NTRK1: variants seen among roughly 807,000 people sequenced by gnomAD.
NTRK1 encodes neurotrophic receptor tyrosine kinase 1.
NTRK1 carries 62 observed loss-of-function variants against 86.8 expected under a neutral mutation model. The observed-to-expected ratio is 0.71, with a 90% CI of 0.58 to 0.88. The LOEUF (loss-of-function observed/expected upper bound fraction) is 0.88. Ranked by LOEUF, NTRK1 falls within the 40% of genes least tolerant of loss-of-function variation. The probability of loss-of-function intolerance (pLI) is 0.00; values close to 1 mark genes in which losing one functional copy is unlikely to be tolerated. For missense variants in NTRK1, 967 were observed against 1,078.4 expected (o/e 0.90, Z 1.45); for synonymous variants, 469 against 456.6 (o/e 1.03, Z -0.35).
chr1:156,861,343 A>T (rs1403488170), intron 1 of NTRK1, among the ~76,000 whole-genome samples, 197 bp downstream of exon 1: 2 of 151,382 alleles, frequency 1.3e-5, no homozygotes, highest in Non-Finnish European at 2.9e-5. Flanking sequence ...CAGTGCCTGG[A>T]TGTCCCCTAG....
intron 1 of NTRK1, chr1:156,841,942 T>C (rs1400075293): frequency 1.3e-6 from 2 of 1,550,230 alleles, no homozygotes; most frequent in Non-Finnish European, 1.8e-6. Context: ...TCAGAACTCA[T>C]CCCATCCAAA....
intron 6 of NTRK1, among the ~76,000 whole-genome samples, chr1:156,869,029 TTC>T (rs1647379825): frequency 2.8e-5 from 2 of 70,430 alleles, no homozygotes; most frequent in African/African-American, 9.1e-5. Context: ...CCTTCCTTCC[TTC>T]CTTCCTTCCT....
chr1:156,855,881 T>C (rs1484329257), upstream of NTRK1, among the ~76,000 whole-genome samples: 1 of 152,008 alleles, frequency 6.6e-6, no homozygotes, highest in East Asian at 1.9e-4. Context: ...CCCTTCTGCT[T>C]TATTTTTCTC....
At chr1:156,832,865 A>G (rs4661061) in intron 1 of NTRK1, among the ~76,000 whole-genome samples, 116,076 of 152,256 alleles carry the variant, frequency 0.76, 44,379 homozygotes, top group East Asian at 0.85. Context: ...GTTTGTCTAC[A>G]TGTCTTCTCT....
chr1:156,821,111 G>T (rs1394038981), intron 1 of NTRK1, among the ~76,000 whole-genome samples: 1 of 152,086 alleles, frequency 6.6e-6, no homozygotes, highest in African/African-American at 2.4e-5. Context: ...GTTGTAAAAG[G>T]GATTGAGTTA....
chr1:156,867,435 T>C lies in NTRK1; in HGVS notation c.428+457T>C, dbSNP rs1056580508. On this transcript the variant is annotated intron_variant, in intron 4 of 16. Coordinates refer to ENST00000524377, the MANE Select transcript of NTRK1 (RefSeq NM_002529.4). ...GGGAGCCTGGGGTGAGGGAGCCCCA[T>C]GCATCCCTCAGACGTCAGCTGTCTT... Among the ~76,000 whole-genome samples the C allele has an allele frequency of 2.0e-5, 3 of 152,338 alleles. No individual in the cohort carries two copies. The South Asian group carries it at 6.2e-4, about 32-fold the overall frequency.
intron 1 of NTRK1, among the ~76,000 whole-genome samples, chr1:156,831,534 G>A (rs1027325377): frequency 6.6e-6 from 1 of 152,162 alleles, no homozygotes; most frequent in Non-Finnish European, 1.5e-5. Context: ...GGATGGTGAA[G>A]AGAATGAGAG....
rs758769970 is a variant in NTRK1, at chr1:156,841,787, C to T, written c.-63-294C>T. On this transcript the variant is annotated intron_variant, in intron 1 of 16. Coordinates refer to the NTRK1 transcript ENST00000392302. ...CTGTCTCATACACGTCCCGAGTCAT[C>T]CCGAAGTCTGGAAAGTGAGGGTGAG... 4 of 1,614,126 alleles carry T rather than the reference C, an allele frequency of 2.5e-6. No homozygotes were observed. In the Admixed American group the frequency reaches 5.0e-5, roughly 20 times the overall value.
At position 156,881,468 on chromosome 1, in the gene NTRK1, C is replaced by T. The variant is rs777301558; in HGVS notation, c.2217C>T (p.Cys739=). The T allele has an allele frequency of 1.1e-5, 18 of 1,572,596 alleles. No homozygotes were observed. Among genetic ancestry groups the T allele is most frequent in the Non-Finnish European group, 1.6e-5 (18 of 1,158,940 alleles). The stretch of plus-strand genomic sequence containing the variant: ...TCCGGTGGCCCCAGGCAATCGACTG[C>T]ATCACGCAGGGACGTGAGTTGGAGC... ...YQLSNTEAID[C]ITQGRELERP... Residue 739 remains cysteine, a synonymous_variant, in exon 17 of 17, where the codon TGC becomes TGT. Transcript: ENST00000524377.
At chr1:156,875,842 T>A (rs1247480445) in intron 12 of NTRK1, 176 bp downstream of exon 12, 2 of 1,125,644 alleles carry the variant, frequency 1.8e-6, no homozygotes, top group Non-Finnish European at 2.6e-6. Flanking sequence ...CCAGCCTGGC[T>A]CTTAGCTGCA....
intron 1 of NTRK1, chr1:156,840,734 C>T (rs1266732719): frequency 4.4e-6 from 3 of 688,412 alleles, no homozygotes; most frequent in Admixed American, 2.4e-5. Context: ...ACAGCCTTCC[C>T]TGCTCCTGTT....
intron 10 of NTRK1, 97 bp from the exon 11 acceptor site, chr1:156,874,809 T>C (rs1640872626): frequency 5.9e-6 from 7 of 1,191,340 alleles, no homozygotes. Flanking sequence ...GAGACCTGGC[T>C]CCGGGCTCCC....
intron 2 of NTRK1, chr1:156,844,436 A>G (rs778034198): frequency 5.6e-6 from 9 of 1,606,430 alleles, no homozygotes; most frequent in Non-Finnish European, 7.7e-6. Context: ...TCGGTGATAC[A>G]GGTCTGTGAC....
In NTRK1 at chr1:156,864,357, C is replaced by T; in HGVS notation, c.216C>T (p.Tyr72=). Residue 72 remains tyrosine, a synonymous_variant, in exon 2 of 17, where the codon TAC becomes TAT. Coordinates refer to ENST00000524377, the MANE Select transcript of NTRK1 (RefSeq NM_002529.4). ...CTCCCATCCGCTCTCCCCACAGCTACATCGAGAACCAGCAGCATCTGCAGC... is the reference window on the plus strand; with the variant it reads ...CTCCCATCCGCTCTCCCCACAGCTATATCGAGAACCAGCAGCATCTGCAGC... ...LPGAENLTEL[Y]IENQQHLQHL... is the part of the protein sequence containing the mutation. 1 of 1,614,178 alleles carries T rather than the reference C, an allele frequency of 6.2e-7. No homozygotes were observed. Among genetic ancestry groups the T allele is most frequent in the Non-Finnish European group, 8.5e-7 (1 of 1,180,008 alleles).
Position 156,861,090 on chromosome 1 carries a change from G to A in NTRK1, c.156G>A (p.Arg52=). ...GCTCCTCGGGACTGCGATGCACCCG[G>A]GATGGGGCCCTGGATAGCCTCCACC... ...PHGSSGLRCT[R]DGALDSLHHL... Residue 52 remains arginine (R), a synonymous_variant, in exon 1 of 17, where the codon CGG becomes CGA. Transcript: ENST00000524377. 1 of 1,583,976 alleles carries A rather than the reference G, an allele frequency of 6.3e-7. No individual in the cohort carries two copies. Among genetic ancestry groups the A allele is most frequent in the Non-Finnish European group, 8.6e-7 (1 of 1,169,266 alleles).
chr1:156,871,858 C>T (rs1647577263), intron 7 of NTRK1, 103 bp downstream of exon 7: 1 of 1,471,622 alleles, frequency 6.8e-7, no homozygotes, highest in African/African-American at 1.4e-5. Context: ...GGATGTGTGT[C>T]TCCACAGCTG....
At chr1:156,827,933 T>C (rs1654365562) in intron 1 of NTRK1, among the ~76,000 whole-genome samples, 1 of 152,168 alleles carries the variant, frequency 6.6e-6, no homozygotes, top group African/African-American at 2.4e-5. Context: ...TATGAAGGTA[T>C]GAAAAAAACT....
chr1:156,841,836 G>C (rs759393495), intron 1 of NTRK1: 1 of 1,614,034 alleles, frequency 6.2e-7, no homozygotes, highest in Non-Finnish European at 8.5e-7. Context: ...TGGGGCATAA[G>C]AGCCACGCAC....
intron 7 of NTRK1, 32 bp from the exon 8 acceptor site, chr1:156,873,601 G>T (rs2102904528): frequency 6.3e-7 from 1 of 1,598,390 alleles, no homozygotes. Flanking sequence ...GCTGCGCCCT[G>T]ACCTCCTGCT....
Sources: allele counts gnomAD v4.1 joint callset (sites outside exome capture counted in the v4.1 genomes callset), GRCh38; gene constraint gnomAD v4.1.1; transcripts MANE v1.5; gene names NCBI Gene and HGNC (gene_info 2026-07-23, HGNC 2026-07-21).